The following SGSM1 variants were observed in gnomAD, a reference collection of about 807,000 sequenced individuals.
SGSM1 encodes RUN and TBC1 domain containing 2.
In SGSM1, 73 loss-of-function variants were observed where a neutral mutation model predicts 133.8. The observed-to-expected ratio is 0.55, with a 90% CI of 0.45 to 0.66. The LOEUF (loss-of-function observed/expected upper bound fraction) is 0.66, where lower values mean the gene tolerates loss of function less well. Ranked by LOEUF, SGSM1 falls within the 30% of genes least tolerant of loss-of-function variation. The pLI is 0.00. For synonymous variants in SGSM1, 563 were observed against 573.0 expected (o/e 0.98, Z 0.25); for missense variants, 1,213 against 1,448.1 (o/e 0.84, Z 2.64).
rs186979679 is a variant in SGSM1 at position 24,858,177 on chromosome 22, G to A, written c.802-1539G>A. On this transcript the variant is annotated intron_variant, in intron 8 of 24. Transcript: ENST00000400358. ...TTATTTTTTGTTGACATGGGGTCTC[G>A]CTATGTTGCCCAGGCTGATCTAAAA... 2.6e-5 allele frequency among the ~76,000 whole-genome samples: 4 copies of A among 152,124 alleles called. No individual in the cohort carries two copies. The East Asian group carries it at 5.8e-4, about 22-fold the overall frequency.
intron 20 of SGSM1, among the ~76,000 whole-genome samples, chr22:24,904,230 A>G (rs1933280630): frequency 6.6e-6 from 1 of 152,178 alleles, no homozygotes; most frequent in South Asian, 2.1e-4. Context: ...GGCTGGGTGC[A>G]ATGGCTCATG....
At chr22:24,874,646 A>G (rs1440172665) in intron 12 of SGSM1, 56 of 1,490,296 alleles carry the variant, frequency 3.8e-5, no homozygotes, top group Middle Eastern at 2.4e-4. Context: ...TTGTCATTTG[A>G]GTTCTGGTCC....
intron 2 of SGSM1, among the ~76,000 whole-genome samples, chr22:24,837,658 G>A (rs555871758): frequency 0.012 from 1,675 of 145,498 alleles, 36 homozygotes; most frequent in African/African-American, 0.041. Flanking sequence ...ACCACGATCC[G>A]CCTGGTAACG....
Position 24,850,263 on chromosome 22 carries a change from T to C in SGSM1, c.303-17T>C. 6.4e-7 allele frequency: 1 copy of C among 1,567,300 alleles called. No homozygotes were observed. The highest frequency in any genetic ancestry group is 8.7e-7 in the Non-Finnish European group (1 of 1,155,692). On this transcript the variant is annotated splice_polypyrimidine_tract_variant and intron_variant, in intron 4 of 24. Coordinates refer to ENST00000400358, the MANE Select transcript of SGSM1 (RefSeq NM_001098497.3). ...GCTCTTGTGAGTATCTATTCCCGTC[T>C]TTTATTGGTCTTGAAGGAGAAACCA...
At chr22:24,831,877 C>A (rs538650277) in intron 2 of SGSM1, among the ~76,000 whole-genome samples, 58 of 152,318 alleles carry the variant, frequency 3.8e-4, no homozygotes, top group African/African-American at 1.3e-3. Context: ...GTGTTGTTAC[C>A]CTCCAGGTGC....
At chr22:24,924,097 GC>G (rs1569182109) in intron 24 of SGSM1, 88 bp from the exon 25 acceptor site, 3 of 1,131,494 alleles carry the variant, frequency 2.7e-6, no homozygotes, top group Non-Finnish European at 3.9e-6. Flanking sequence ...TGATGGAGAT[GC>G]CCCCAGAGAA....
chr22:24,922,730 C>T (rs1203780478), intron 24 of SGSM1, among the ~76,000 whole-genome samples: 2 of 152,208 alleles, frequency 1.3e-5, no homozygotes, highest in Non-Finnish European at 2.9e-5. Context: ...CCCGCCTCGG[C>T]CTCCCAAAGT....
Position 24,806,212 on chromosome 22 carries a change from C to T in SGSM1, c.-114C>T. ...GACGTCGGGCGCCCTCCGGCCGTCA[C>T]TCAGCGCTCGGCCCCGCCCCGCCGC... On this transcript the variant is annotated 5_prime_UTR_variant, in exon 1 of 25. Coordinates refer to ENST00000400358, the MANE Select transcript of SGSM1 (RefSeq NM_001098497.3). 8.2e-7 allele frequency: 1 copy of T among 1,216,232 alleles called. No individual in the cohort carries two copies. The highest frequency in any genetic ancestry group is 1.6e-5 in the African/African-American group (1 of 63,116). 75.3% of individuals were successfully genotyped at this position (1,216,232 alleles called of 1,614,324 possible).
intron 2 of SGSM1, among the ~76,000 whole-genome samples, chr22:24,838,186 G>C (rs1377027351): frequency 6.6e-6 from 1 of 152,168 alleles, no homozygotes; most frequent in Non-Finnish European, 1.5e-5. Context: ...TTGTTTTAAA[G>C]ACTATCCTTT....
intron 9 of SGSM1, among the ~76,000 whole-genome samples, chr22:24,864,068 C>T (rs1019027871): frequency 1.3e-5 from 2 of 152,176 alleles, no homozygotes; most frequent in African/African-American, 4.8e-5. Context: ...TCACAGCCAG[C>T]CTCACTCTTG....
chr22:24,812,127 G>A (rs992883810), intron 2 of SGSM1, among the ~76,000 whole-genome samples: 8 of 148,598 alleles, frequency 5.4e-5, no homozygotes, highest in Middle Eastern at 3.5e-3. Flanking sequence ...CTGAGATGGC[G>A]TCACTGCACT....
chr22:24,897,472 A>C (rs926151588), intron 18 of SGSM1, among the ~76,000 whole-genome samples: 1 of 152,004 alleles, frequency 6.6e-6, no homozygotes, highest in Admixed American at 6.6e-5. Context: ...TCACTTTTTT[A>C]TTGCTGTTTG....
At chr22:24,848,676 A>G (rs1930286308) in intron 4 of SGSM1, among the ~76,000 whole-genome samples, 1 of 152,242 alleles carries the variant, frequency 6.6e-6, no homozygotes, top group South Asian at 2.1e-4. Context: ...TCCCAGAGGA[A>G]TGTGCTGTGA....
intron 24 of SGSM1, 97 bp from the exon 25 acceptor site, chr22:24,924,089 A>G: frequency 9.5e-7 from 1 of 1,050,068 alleles, no homozygotes. Context: ...TCAATCTGTG[A>G]TGGAGATGCC....
chr22:24,886,211 G>A (rs1932589215), intron 15 of SGSM1, among the ~76,000 whole-genome samples: 1 of 151,628 alleles, frequency 6.6e-6, no homozygotes, highest in Non-Finnish European at 1.5e-5. Flanking sequence ...GACCAGCCTG[G>A]CCAACATGGT....
In SGSM1 at chr22:24,858,469, T is replaced by TA. The variant is rs903797105; in HGVS notation, c.802-1238dup. ...ATCTCTACTAAAACCTTATCTTTAC[T>TA]AAAAAAAAATACAAAAATTAGCTAG... On this transcript the variant is annotated intron_variant, in intron 8 of 24. Coordinates refer to ENST00000400358, the MANE Select transcript of SGSM1 (RefSeq NM_001098497.3). Among the ~76,000 whole-genome samples the TA allele has an allele frequency of 6.3e-4, 94 of 149,854 alleles. No homozygotes were observed. The East Asian group carries it at 1.0e-2, about 16-fold the overall frequency.
intron 19 of SGSM1, chr22:24,901,040 A>G (rs758428025): frequency 1.3e-5 from 2 of 152,242 alleles, no homozygotes; most frequent in Non-Finnish European, 2.9e-5. Flanking sequence ...TATAAACCGC[A>G]TGAGTTACAA....
At position 24,847,795 on chromosome 22, in the gene SGSM1, G is replaced by C. The variant is rs538422718; in HGVS notation, c.301G>C (p.Ala101Pro). ...VQDLEQLIES[A>P]RNQIQGLQEN... ...AGACCTGGAGCAGCTGATCGAGAGC[G>C]CGTGAGTGCAAAGCATGGGGCACAG... Residue 101 changes from alanine (A) to proline (P), a missense_variant and splice_region_variant, in exon 4 of 25, where the codon GCG becomes CCG. Ala to Pro is a conservative substitution (Grantham distance 27). Coordinates refer to ENST00000400358, the MANE Select transcript of SGSM1 (RefSeq NM_001098497.3). 1 of 1,613,462 alleles carries C rather than the reference G, an allele frequency of 6.2e-7. No individual in the cohort carries two copies. Among genetic ancestry groups the C allele is most frequent in the African/African-American group, 1.3e-5 (1 of 75,018 alleles).
intron 16 of SGSM1, among the ~76,000 whole-genome samples, chr22:24,888,214 A>G (rs561012294): frequency 6.6e-6 from 1 of 152,176 alleles, no homozygotes; most frequent in Non-Finnish European, 1.5e-5. Context: ...CAGTTTATCA[A>G]TTTTTCCTTT....
Sources: gnomAD v4.1 joint callset for allele counts (sites outside exome capture counted in the v4.1 genomes callset) on GRCh38, gnomAD v4.1.1 for gene constraint, MANE v1.5 for transcripts, NCBI Gene and HGNC (gene_info 2026-07-23, HGNC 2026-07-21) for gene names.